The following GLYATL1 variants were observed in gnomAD, a reference collection of about 807,000 sequenced individuals.
The protein encoded by GLYATL1 is glycine-N-acyltransferase like 1.
Under a neutral mutation model 20.0 loss-of-function variants are expected in GLYATL1, and 15 were observed. That is an observed-to-expected ratio of 0.75 (90% CI 0.50 to 1.15). The LOEUF is 1.15. Ranked by LOEUF, GLYATL1 falls within the 50% of genes most tolerant of loss-of-function variation. GLYATL1 has a pLI of 0.00. For synonymous variants in GLYATL1, 151 were observed against 131.5 expected (o/e 1.15, Z -1.01); for missense variants, 380 against 368.5 (o/e 1.03, Z -0.26).
In GLYATL1 at chr11:58,955,325, A is replaced by G. The variant is rs1465850656; in HGVS notation, c.463A>G (p.Thr155Ala). The G allele has an allele frequency of 1.2e-6, 2 of 1,613,932 alleles. No individual in the cohort carries two copies. Among genetic ancestry groups the G allele is most frequent in the South Asian group, 1.1e-5 (1 of 91,050 alleles). ...SKSKLGSWAE[T>A]GHPDDEFESE... The stretch of plus-strand genomic sequence containing the variant: ...AAGCAAGCTTGGAAGCTGGGCTGAG[A>G]CAGGCCACCCAGATGATGAATTTGA... The change falls in exon 6 of 7, where the codon ACA (threonine) becomes GCA (alanine). Residue 155 changes from threonine (T) to alanine (A), a missense_variant. Transcript: ENST00000532726.
chr11:58,940,954 G>A (rs1188179946), intron 1 of GLYATL1, among the ~76,000 whole-genome samples: 7 of 152,246 alleles, frequency 4.6e-5, no homozygotes, highest in Non-Finnish European at 8.8e-5. Flanking sequence ...GTGAAAGAGC[G>A]AGACCCTGTC....
intron 1 of GLYATL1, among the ~76,000 whole-genome samples, chr11:58,906,386 G>A (rs1006199584): frequency 1.3e-5 from 2 of 152,168 alleles, no homozygotes; most frequent in Non-Finnish European, 2.9e-5. Flanking sequence ...TGCACCCATA[G>A]AATGAGACCA....
At position 58,943,606 on chromosome 11, in the gene GLYATL1, G is replaced by A. The variant is rs759470897; in HGVS notation, c.-103G>A. On this transcript the variant is annotated 5_prime_UTR_variant, in exon 2 of 7. Transcript: ENST00000532726. ...ATCCCCAGGAGCGCGAAGTGAACAC[G>A]GAAGGTACCTGCAGGATCCAATTGT... 1.3e-5 allele frequency: 21 copies of A among 1,613,432 alleles called. No homozygotes were observed. Among genetic ancestry groups the A allele is most frequent in the Admixed American group, 5.0e-5 (3 of 59,968 alleles).
At chr11:58,923,646 C>T (rs1335286749), upstream of GLYATL1, among the ~76,000 whole-genome samples, 1 of 152,132 alleles carries the variant, frequency 6.6e-6, no homozygotes, top group Non-Finnish European at 1.5e-5. Flanking sequence ...GGTTCCCTGC[C>T]TCCAGATCCT....
chr11:58,944,279 A>G lies in GLYATL1; in HGVS notation c.-43+613A>G, dbSNP rs183489290. Among the ~76,000 whole-genome samples the G allele has an allele frequency of 2.0e-5, 3 of 152,322 alleles. No homozygotes were observed. In the East Asian group the frequency reaches 5.8e-4, roughly 29 times the overall value. ...ACAGTTTTGGCACTATTGGATGTCA[A>G]CTGCTATTCTTTTTGGAATAATCTG... On this transcript the variant is annotated intron_variant, in intron 2 of 6. Transcript: ENST00000532726.
In GLYATL1 at chr11:58,947,291, T is replaced by G. The variant is rs894995779; in HGVS notation, c.78+126T>G. The G allele has an allele frequency of 4.6e-6, 6 of 1,305,664 alleles. No individual in the cohort carries two copies. In the African/African-American group the frequency reaches 9.0e-5, roughly 19 times the overall value. 80.9% of individuals were successfully genotyped at this position (1,305,664 alleles called of 1,614,324 possible). On this transcript the variant is annotated intron_variant, in intron 3 of 6. Transcript: ENST00000532726. Reference sequence around the variant, plus strand: ...TTGGAGCTGGGAAACAGGATGGGACTGGGGGCACAGGCTGCATATCAAGAG... The same window carrying G: ...TTGGAGCTGGGAAACAGGATGGGACGGGGGGCACAGGCTGCATATCAAGAG...
At chr11:58,938,690 G>A (rs1204339059), upstream of GLYATL1, among the ~76,000 whole-genome samples, 1 of 152,166 alleles carries the variant, frequency 6.6e-6, no homozygotes, top group Non-Finnish European at 1.5e-5. Context: ...CCCTGCTGGA[G>A]TCCTAGAGAG....
intron 1 of GLYATL1, among the ~76,000 whole-genome samples, chr11:58,919,776 G>A (rs1212173997): frequency 2.0e-5 from 3 of 152,140 alleles, no homozygotes; most frequent in Non-Finnish European, 4.4e-5. Flanking sequence ...GGTTGTTCTC[G>A]GCACAAGTTA....
At position 58,954,830 on chromosome 11, in the gene GLYATL1, C is replaced by A; in HGVS notation, c.247C>A (p.Gln83Lys). The A allele has an allele frequency of 1.2e-6, 2 of 1,613,088 alleles. No homozygotes were observed. The highest frequency in any genetic ancestry group is 1.7e-6 in the Non-Finnish European group (2 of 1,179,508). ...NVYRMFSKEP[Q>K]KSEEVLKNCE... ...ATATCGTATGTTCTCCAAAGAGCCT[C>A]AAAAATCAGAAGAAGTTTTGAAAAA... The change falls in exon 5 of 7, where the codon CAA becomes AAA. Residue 83 changes from glutamine to lysine, a missense_variant. Coordinates refer to ENST00000532726, the MANE Select transcript of GLYATL1 (RefSeq NM_001389712.2).
At chr11:58,916,050 C>T (rs540963139) in intron 1 of GLYATL1, among the ~76,000 whole-genome samples, 5 of 152,320 alleles carry the variant, frequency 3.3e-5, no homozygotes, top group African/African-American at 1.2e-4. Flanking sequence ...GCAGAAAACC[C>T]ACCACCACTA....
intron 1 of GLYATL1, among the ~76,000 whole-genome samples, chr11:58,920,842 A>C (rs1355495874): frequency 6.6e-6 from 1 of 152,182 alleles, no homozygotes; most frequent in Non-Finnish European, 1.5e-5. Context: ...TTCTTGCACC[A>C]GTAGGGCAGT....
At chr11:58,947,657 T>A in intron 3 of GLYATL1, 1 of 575,274 alleles carries the variant, frequency 1.7e-6, no homozygotes, top group Non-Finnish European at 3.1e-6. Context: ...ACAAGGACAG[T>A]CCTACCTGTG....
chr11:58,916,504 TA>T, intron 1 of GLYATL1, among the ~76,000 whole-genome samples: 1 of 152,150 alleles, frequency 6.6e-6, no homozygotes, highest in Non-Finnish European at 1.5e-5. Flanking sequence ...TGGGTGGTAA[TA>T]GTAGCAGAGC....
At chr11:58,952,905 C>T (rs550455786) in intron 4 of GLYATL1, among the ~76,000 whole-genome samples, 10 of 152,218 alleles carry the variant, frequency 6.6e-5, no homozygotes, top group East Asian at 3.9e-4. Flanking sequence ...AGTTGCCATC[C>T]GATCCAGCAA....
chr11:58,915,355 A>G (rs1181253465), intron 1 of GLYATL1, among the ~76,000 whole-genome samples: 1 of 152,222 alleles, frequency 6.6e-6, no homozygotes. Context: ...AGGGACCTTC[A>G]ACAGAGCCGG....
In GLYATL1 at chr11:58,955,509, CTT is replaced by C. The variant is rs1249441856; in HGVS notation, c.492-99_492-98del. The C allele has an allele frequency of 2.1e-6, 3 of 1,427,776 alleles. No individual in the cohort carries two copies. In the Admixed American group the frequency reaches 6.3e-5, roughly 30 times the overall value. 88.4% of individuals were successfully genotyped at this position (1,427,776 alleles called of 1,614,324 possible). On this transcript the variant is annotated intron_variant, in intron 6 of 6. Transcript: ENST00000532726. Reference sequence around the variant, plus strand: ...GATCCAAAACTTTGCAATGGTGAGTCTTTAAACAAGAAGAGTTCCTGGGATCT... The same window carrying C: ...GATCCAAAACTTTGCAATGGTGAGTCTAAACAAGAAGAGTTCCTGGGATCT...
intron 1 of GLYATL1, among the ~76,000 whole-genome samples, chr11:58,930,999 A>G (rs918717435): frequency 5.9e-5 from 9 of 152,212 alleles, no homozygotes; most frequent in Non-Finnish European, 1.3e-4. Context: ...TACATTATGT[A>G]TTTTGTTAGA....
upstream of GLYATL1, among the ~76,000 whole-genome samples, chr11:58,926,848 T>C (rs1024193891): frequency 6.6e-6 from 1 of 152,206 alleles, no homozygotes; most frequent in Non-Finnish European, 1.5e-5. Flanking sequence ...AGCTTAAATG[T>C]TGCAATGGAG....
At chr11:58,907,093 AG>A in intron 1 of GLYATL1, 1 of 307,444 alleles carries the variant, frequency 3.3e-6, no homozygotes, top group Non-Finnish European at 6.6e-6. Flanking sequence ...GTTGGAGGAA[AG>A]TTACACCATA....
Sources: allele counts gnomAD v4.1 joint callset (sites outside exome capture counted in the v4.1 genomes callset), GRCh38; gene constraint gnomAD v4.1.1; transcripts MANE v1.5; gene names NCBI Gene and HGNC (gene_info 2026-07-23, HGNC 2026-07-21).